FCHO2: variants seen among roughly 807,000 people sequenced by gnomAD.
FCHO2 encodes FCH and mu domain containing endocytic adaptor 2.
In FCHO2, 43 loss-of-function variants were observed where a neutral mutation model predicts 114.1. The observed-to-expected ratio is 0.38, with a 90% CI of 0.30 to 0.49. The LOEUF (loss-of-function observed/expected upper bound fraction) is 0.49, where lower values mean the gene tolerates loss of function less well. FCHO2 is among the 20% of genes least tolerant of loss of function. The probability of loss-of-function intolerance (pLI) is 0.97; values close to 1 mark genes in which losing one functional copy is unlikely to be tolerated. For missense variants in FCHO2, 807 were observed against 950.4 expected (o/e 0.85, Z 1.98); for synonymous variants, 293 against 315.2 (o/e 0.93, Z 0.75).
chr5:73,087,763 G>A lies in FCHO2; in HGVS notation c.2410+10G>A, dbSNP rs1743359824. 1.3e-6 allele frequency: 2 copies of A among 1,553,560 alleles called. No homozygotes were observed. Among genetic ancestry groups the A allele is most frequent in the South Asian group, 2.5e-5 (2 of 81,464 alleles). ...AAGCGGTTTGCTACTGGTAAGTTAG[G>A]AGATTTCAAACTTTTTAATGTACAT... On this transcript the variant is annotated intron_variant, in intron 25 of 25. Coordinates refer to ENST00000430046, the MANE Select transcript of FCHO2 (RefSeq NM_138782.3).
chr5:73,020,031 A>G (rs16878881), intron 8 of FCHO2, among the ~76,000 whole-genome samples: 22,748 of 152,162 alleles, frequency 0.15, 1,782 homozygotes, highest in Middle Eastern at 0.21. Context: ...TGCAGAGGAT[A>G]GTGTCATACT....
intron 5 of FCHO2, among the ~76,000 whole-genome samples, chr5:73,003,549 G>T (rs980967610): frequency 6.6e-6 from 1 of 152,000 alleles, no homozygotes; most frequent in African/African-American, 2.4e-5. Context: ...AGTTTTATGG[G>T]TCTCCTTTTG....
At chr5:73,060,235 T>C (rs576695658) in intron 17 of FCHO2, among the ~76,000 whole-genome samples, 1 of 152,142 alleles carries the variant, frequency 6.6e-6, no homozygotes, top group East Asian at 1.9e-4. Context: ...TATTAACTTC[T>C]TGCTGGTTTT....
intron 1 of FCHO2, among the ~76,000 whole-genome samples, chr5:72,959,776 T>TC (rs1751751302): frequency 1.3e-5 from 2 of 151,732 alleles, no homozygotes; most frequent in Admixed American, 6.6e-5. Flanking sequence ...TCTTCTCTTC[T>TC]TTCTTTTTTT....
intron 22 of FCHO2, among the ~76,000 whole-genome samples, chr5:73,079,516 GAAA>G (rs931101323): frequency 1.3e-5 from 2 of 151,992 alleles, no homozygotes; most frequent in African/African-American, 4.8e-5. Context: ...AGACACTTGA[GAAA>G]AAAATTAAGG....
At chr5:72,967,799 T>C (rs1484226619) in intron 1 of FCHO2, among the ~76,000 whole-genome samples, 1 of 151,556 alleles carries the variant, frequency 6.6e-6, no homozygotes, top group East Asian at 1.9e-4. Flanking sequence ...TTTGTATTTT[T>C]AGCTGAGATG....
intron 2 of FCHO2, among the ~76,000 whole-genome samples, chr5:72,977,388 A>G (rs936923209): frequency 2.0e-5 from 3 of 152,190 alleles, no homozygotes; most frequent in African/African-American, 7.2e-5. Flanking sequence ...GATGATGAGC[A>G]TTTTCTCTTA....
intron 21 of FCHO2, 100 bp downstream of exon 21, chr5:73,077,593 G>A (rs1742954909): frequency 4.7e-6 from 6 of 1,288,040 alleles, no homozygotes; most frequent in African/African-American, 1.5e-5. Flanking sequence ...AGTTTGGGAG[G>A]CTGAGGCAGG....
At chr5:72,987,457 C>T (rs1036444076) in intron 2 of FCHO2, among the ~76,000 whole-genome samples, 3 of 152,158 alleles carry the variant, frequency 2.0e-5, no homozygotes, top group African/African-American at 7.2e-5. Flanking sequence ...CCTGCCTCAG[C>T]CTTCCAAGTA....
At chr5:72,996,698 G>C (rs1056624963) in intron 5 of FCHO2, among the ~76,000 whole-genome samples, 1 of 152,150 alleles carries the variant, frequency 6.6e-6, no homozygotes, top group African/African-American at 2.4e-5. Context: ...GGCCCCCGCA[G>C]GCTGCCAACG....
chr5:72,989,988 G>T (rs766727565), intron 3 of FCHO2, among the ~76,000 whole-genome samples: 1 of 151,766 alleles, frequency 6.6e-6, no homozygotes, highest in Non-Finnish European at 1.5e-5. Flanking sequence ...ATAATGAAAA[G>T]AATACATTTA....
intron 17 of FCHO2, among the ~76,000 whole-genome samples, chr5:73,060,854 G>A (rs1277374762): frequency 6.6e-6 from 1 of 151,872 alleles, no homozygotes; most frequent in Non-Finnish European, 1.5e-5. Flanking sequence ...CTATAAATAA[G>A]CATTCATGTT....
intron 6 of FCHO2, among the ~76,000 whole-genome samples, chr5:73,015,377 C>T (rs1413714833): frequency 6.6e-6 from 1 of 151,842 alleles, no homozygotes; most frequent in Non-Finnish European, 1.5e-5. Context: ...ATTCTCCTGC[C>T]TCAGCCTCCT....
intron 1 of FCHO2, among the ~76,000 whole-genome samples, chr5:72,963,902 G>GTTTTTTTTTTTTTTTTT (rs70973214): frequency 2.1e-5 from 2 of 95,694 alleles, no homozygotes; most frequent in African/African-American, 4.2e-5. Flanking sequence ...GGAACTTTCA[G>GTTTTTTTTTTTTTTTTT]TTTTTTTTTT....
In FCHO2 at chr5:73,087,705, G is replaced by A. The variant is rs1225691857; in HGVS notation, c.2362G>A (p.Val788Met). ...CCTTTCAGGAGTAGATTTCGAACTTGTGGGCACTGGCTATAGGCTTTCCTT... is the reference window on the plus strand; with the variant it reads ...CCTTTCAGGAGTAGATTTCGAACTTATGGGCACTGGCTATAGGCTTTCCTT... ...STLSGVDFEL[V>M]GTGYRLSLIK... is the part of the protein sequence containing the mutation. Residue 788 changes from valine to methionine, a missense_variant, in exon 25 of 26, where the codon GTG becomes ATG. By Grantham distance (21) the Val-to-Met change is conservative. Coordinates refer to ENST00000430046, the MANE Select transcript of FCHO2 (RefSeq NM_138782.3). The A allele has an allele frequency of 1.2e-6, 2 of 1,612,978 alleles. No individual in the cohort carries two copies. The highest frequency in any genetic ancestry group is 1.7e-6 in the Non-Finnish European group (2 of 1,179,452).
At chr5:73,074,898 G>A (rs765349025) in intron 20 of FCHO2, 45 bp downstream of exon 20, 4 of 1,455,154 alleles carry the variant, frequency 2.7e-6, no homozygotes, top group Non-Finnish European at 3.7e-6. Flanking sequence ...TATGTGTGTT[G>A]GGTGGAGGAG....
intron 11 of FCHO2, 26 bp from the exon 12 acceptor site, chr5:73,051,323 A>T: frequency 6.9e-7 from 1 of 1,459,330 alleles, no homozygotes; most frequent in Non-Finnish European, 9.3e-7. Flanking sequence ...AGTTGTCATT[A>T]TAATTTTTTT....
At chr5:72,992,559 G>A (rs1753863764) in intron 5 of FCHO2, among the ~76,000 whole-genome samples, 1 of 152,114 alleles carries the variant, frequency 6.6e-6, no homozygotes, top group Admixed American at 6.6e-5. Context: ...CTCTTAGGAT[G>A]AGGTACAAAG....
chr5:73,082,497 C>G (rs1436274936), intron 23 of FCHO2, among the ~76,000 whole-genome samples: 1 of 152,092 alleles, frequency 6.6e-6, no homozygotes, highest in African/African-American at 2.4e-5. Flanking sequence ...AGGTACTGAT[C>G]CCTATACACA....
Sources: allele counts gnomAD v4.1 joint callset (sites outside exome capture counted in the v4.1 genomes callset), GRCh38; gene constraint gnomAD v4.1.1; transcripts MANE v1.5; gene names NCBI Gene and HGNC (gene_info 2026-07-23, HGNC 2026-07-21).